Variants in ZNF469 observed in about 807,000 individuals in gnomAD.
ZNF469 encodes zinc finger protein 469.
ZNF469 carries 1 observed loss-of-function variant against 1.0 expected under a neutral mutation model. The ratio of observed to expected loss-of-function variants is 1.00; its 90% CI spans 0.35 to 4.73. The LOEUF is 4.73. Among genes scored for constraint, ZNF469 ranks in the 30% most tolerant of loss-of-function variants. The pLI is 0.16. For missense variants in ZNF469, 6,100 were observed against 5,356.3 expected, an observed-to-expected ratio of 1.14 and a Z score of -4.33; for synonymous variants, 2,703 against 2,363.4, an observed-to-expected ratio of 1.14 and a Z score of -4.17.
the ZNF469 span, among the ~76,000 whole-genome samples, chr16:88,101,913 C>T: frequency 6.6e-6 from 1 of 152,104 alleles, no homozygotes; most frequent in East Asian, 1.9e-4. Flanking sequence ...GGAGGTCGGC[C>T]GCGGGTGCGT....
intron 1 of ZNF469, among the ~76,000 whole-genome samples, chr16:88,395,058 C>T (rs900560026): frequency 2.0e-5 from 3 of 152,238 alleles, no homozygotes; most frequent in African/African-American, 7.2e-5. Context: ...CACGTGCCCC[C>T]CGCCGCAAGG....
chr16:88,191,417 T>C, the ZNF469 span: 2 of 152,256 alleles, frequency 1.3e-5, no homozygotes, highest in African/African-American at 2.4e-5. Context: ...CCCCTGGCAA[T>C]TGGGGGCTGC....
the ZNF469 span, among the ~76,000 whole-genome samples, chr16:88,120,636 C>A: frequency 6.6e-6 from 1 of 152,206 alleles, no homozygotes; most frequent in Non-Finnish European, 1.5e-5. Flanking sequence ...AGCATGCAGA[C>A]CCACCAGAAC....
the ZNF469 span, among the ~76,000 whole-genome samples, chr16:88,174,533 C>A: frequency 5.9e-5 from 8 of 134,936 alleles, no homozygotes; most frequent in East Asian, 1.9e-3. Flanking sequence ...GTAGTTGATC[C>A]TTGAACAACA....
At chr16:88,186,096 C>T in the ZNF469 span, among the ~76,000 whole-genome samples, 1 of 152,222 alleles carries the variant, frequency 6.6e-6, no homozygotes. Context: ...GATCACTGGG[C>T]CGACACCGGA....
chr16:88,305,566 GCA>G, the ZNF469 span, among the ~76,000 whole-genome samples: 1 of 96,888 alleles, frequency 1.0e-5, no homozygotes, highest in Non-Finnish European at 2.1e-5. Flanking sequence ...CCTCACACGT[GCA>G]CACACGCTCA....
At chr16:88,203,728 C>CTG in the ZNF469 span, among the ~76,000 whole-genome samples, 4,621 of 150,076 alleles carry the variant, frequency 0.031, 223 homozygotes, top group African/African-American at 0.1. Flanking sequence ...GTGTCTGTCC[C>CTG]TGTGTGTGTG....
chr16:88,275,042 G>A, the ZNF469 span, among the ~76,000 whole-genome samples: 10 of 152,198 alleles, frequency 6.6e-5, no homozygotes, highest in South Asian at 2.1e-4. Context: ...GGGGGTTTCC[G>A]GGAAGCCTGG....
chr16:88,377,578 C>T, the ZNF469 span, among the ~76,000 whole-genome samples: 32 of 152,222 alleles, frequency 2.1e-4, no homozygotes, highest in East Asian at 3.1e-3. Flanking sequence ...GGAATGTCTC[C>T]TTGGACCGGG....
the ZNF469 span, among the ~76,000 whole-genome samples, chr16:88,133,648 A>G: frequency 6.6e-6 from 1 of 151,232 alleles, no homozygotes; most frequent in Non-Finnish European, 1.5e-5. Flanking sequence ...TAAATTATAA[A>G]TAAAATAATG....
chr16:88,354,016 C>T, the ZNF469 span, among the ~76,000 whole-genome samples: 1 of 152,204 alleles, frequency 6.6e-6, no homozygotes, highest in Non-Finnish European at 1.5e-5. Flanking sequence ...GTGGCTGCCC[C>T]AGCTGGAATG....
rs772048474 is a variant in ZNF469 at position 88,430,712 on chromosome 16, G to T, written c.3242G>T (p.Arg1081Leu). 2.0e-5 allele frequency: 30 copies of T among 1,479,448 alleles called. No homozygotes were observed. The African/African-American group carries it at 2.8e-4, about 14-fold the overall frequency. 91.6% of individuals were successfully genotyped at this position (1,479,448 alleles called of 1,614,324 possible). ...RCGSLAAGRP[R>L]PGAEDRRLRE... ...GGCTCCCTGGCGGCGGGGAGGCCCC[G>T]GCCCGGAGCTGAGGACCGCAGGCTC... Residue 1081 changes from arginine to leucine, a missense_variant, in exon 3 of 3, where the codon CGG becomes CTG. Physicochemically the swap from Arg to Leu is moderately radical, Grantham distance 102. Transcript: ENST00000565624.
At chr16:88,425,951 G>A (rs998228884) in intron 2 of ZNF469, among the ~76,000 whole-genome samples, 1 of 152,218 alleles carries the variant, frequency 6.6e-6, no homozygotes, top group Non-Finnish European at 1.5e-5. Context: ...CCTCCTCCCC[G>A]GTGCAGGCAG....
chr16:88,264,989 G>A, the ZNF469 span, among the ~76,000 whole-genome samples: 14 of 152,024 alleles, frequency 9.2e-5, no homozygotes, highest in African/African-American at 2.4e-4. Context: ...CAAGGGAGAC[G>A]CCCATTTTCT....
At chr16:88,389,874 G>A (rs1332247120) in intron 1 of ZNF469, among the ~76,000 whole-genome samples, 1 of 152,140 alleles carries the variant, frequency 6.6e-6, no homozygotes, top group Non-Finnish European at 1.5e-5. Context: ...CACAGCCCTC[G>A]CCTCCTGAAC....
the ZNF469 span, among the ~76,000 whole-genome samples, chr16:88,196,381 A>G: frequency 6.6e-6 from 1 of 152,196 alleles, no homozygotes; most frequent in South Asian, 2.1e-4. Context: ...CTAGTTCAGC[A>G]AAGCCATCGG....
intron 1 of ZNF469, among the ~76,000 whole-genome samples, chr16:88,402,246 C>A (rs1415037372): frequency 6.6e-6 from 1 of 151,906 alleles, no homozygotes; most frequent in Non-Finnish European, 1.5e-5. Flanking sequence ...TGCAGTCTTC[C>A]AGGCACCAGA....
chr16:88,240,442 C>T, the ZNF469 span, among the ~76,000 whole-genome samples: 7 of 152,210 alleles, frequency 4.6e-5, no homozygotes, highest in Non-Finnish European at 8.8e-5. Flanking sequence ...CGTGGGGAGG[C>T]TGGCCTTTCT....
rs764273631 is a variant in ZNF469 at position 88,428,219 on chromosome 16, T to A, written c.749T>A (p.Val250Asp). 42 of 1,550,046 alleles carry A rather than the reference T, an allele frequency of 2.7e-5. No individual in the cohort carries two copies. Among genetic ancestry groups the A allele is most frequent in the Admixed American group, 2.0e-5 (1 of 50,982 alleles). The change falls in exon 3 of 3, where the codon GTT becomes GAT. Residue 250 changes from valine to aspartate, a missense_variant. By Grantham distance (152) the Val-to-Asp change is radical. Coordinates refer to ENST00000565624, the MANE Select transcript of ZNF469 (RefSeq NM_001367624.2). Reference sequence around the variant, plus strand: ...AGCTTCCCAGGTGCTAATTTCGGGGTTCCCCCCGCCGAGCCGGAACCTATT... The same window carrying A: ...AGCTTCCCAGGTGCTAATTTCGGGGATCCCCCCGCCGAGCCGGAACCTATT... ...ENSFPGANFG[V>D]PPAEPEPIPK... is the part of the protein sequence containing the mutation.
Sources: gnomAD v4.1 joint callset for allele counts (sites outside exome capture counted in the v4.1 genomes callset) on GRCh38, gnomAD v4.1.1 for gene constraint, MANE v1.5 for transcripts, NCBI Gene and HGNC (gene_info 2026-07-23, HGNC 2026-07-21) for gene names.